The following TRDN variants were observed in gnomAD, a reference collection of about 807,000 sequenced individuals.
TRDN encodes the protein triadin in skeletal muscle.
A neutral mutation model predicts 149.7 loss-of-function variants in TRDN; 161 were observed. The ratio of observed to expected loss-of-function variants is 1.08; its 90% CI spans 0.95 to 1.23. The LOEUF (loss-of-function observed/expected upper bound fraction) is 1.23. TRDN is among the 50% of genes most tolerant of loss of function. The pLI, the probability that TRDN is intolerant of heterozygous loss-of-function variation, is 0.00. For synonymous variants in TRDN, 294 were observed against 250.5 expected (o/e 1.17, Z -1.64); for missense variants, 896 against 823.5 (o/e 1.09, Z -1.08).
intron 1 of TRDN, among the ~76,000 whole-genome samples, chr6:123,636,551 G>C (rs1036217012): frequency 6.6e-6 from 1 of 151,924 alleles, no homozygotes; most frequent in Admixed American, 6.6e-5. Flanking sequence ...CAAAATTTAA[G>C]AGAAATCTCT....
intron 21 of TRDN, among the ~76,000 whole-genome samples, chr6:123,339,833 T>C (rs1391253960): frequency 1.3e-5 from 2 of 152,204 alleles, no homozygotes; most frequent in East Asian, 3.8e-4. Context: ...ATAATTTGTC[T>C]GTATTGACAT....
intron 12 of TRDN, among the ~76,000 whole-genome samples, chr6:123,418,804 G>A (rs952470857): frequency 3.3e-5 from 5 of 152,036 alleles, no homozygotes; most frequent in African/African-American, 9.7e-5. Context: ...CCAAGCTCCC[G>A]ACTCCCAGCA....
chr6:123,588,515 G>A (rs1047220190), intron 1 of TRDN, among the ~76,000 whole-genome samples: 2 of 151,980 alleles, frequency 1.3e-5, no homozygotes, highest in African/African-American at 4.8e-5. Context: ...AGTAAGTTGG[G>A]GATTTAGAGT....
At chr6:123,373,356 C>T (rs935233473) in intron 19 of TRDN, among the ~76,000 whole-genome samples, 1 of 152,144 alleles carries the variant, frequency 6.6e-6, no homozygotes, top group Admixed American at 6.5e-5. Flanking sequence ...CCTTGCCTTA[C>T]ACTATTATTG....
At chr6:123,230,498 G>A (rs772148672) in intron 38 of TRDN, among the ~76,000 whole-genome samples, 1 of 150,574 alleles carries the variant, frequency 6.6e-6, no homozygotes, top group Admixed American at 6.7e-5. Context: ...TAACAAACCT[G>A]CACATTGTGC....
intron 38 of TRDN, among the ~76,000 whole-genome samples, chr6:123,225,429 T>A (rs947857186): frequency 6.6e-6 from 1 of 151,756 alleles, no homozygotes; most frequent in Non-Finnish European, 1.5e-5. Flanking sequence ...ATTTCACTTC[T>A]GGGTATATAT....
At chr6:123,550,872 A>C (rs956176323) in intron 2 of TRDN, among the ~76,000 whole-genome samples, 2 of 151,938 alleles carry the variant, frequency 1.3e-5, no homozygotes, top group Non-Finnish European at 1.5e-5. Flanking sequence ...AGAGAGTTTC[A>C]TGTGAGCAAG....
chr6:123,355,408 A>C (rs904365687), intron 20 of TRDN, among the ~76,000 whole-genome samples: 1 of 151,776 alleles, frequency 6.6e-6, no homozygotes, highest in South Asian at 2.1e-4. Flanking sequence ...ATAATTTTTA[A>C]TCATTTAAAT....
At chr6:123,474,276 A>G (rs1172589742) in intron 9 of TRDN, among the ~76,000 whole-genome samples, 3 of 152,298 alleles carry the variant, frequency 2.0e-5, no homozygotes, top group African/African-American at 7.2e-5. Flanking sequence ...AAACAAAAAA[A>G]GGCAGGGATT....
chr6:123,457,829 A>T (rs1034559683), intron 10 of TRDN, among the ~76,000 whole-genome samples: 2 of 152,228 alleles, frequency 1.3e-5, no homozygotes, highest in African/African-American at 4.8e-5. Context: ...CAAATAGTCA[A>T]CATCATATGA....
intron 7 of TRDN, among the ~76,000 whole-genome samples, chr6:123,504,401 T>C (rs2114835011): frequency 6.6e-6 from 1 of 152,158 alleles, no homozygotes; most frequent in African/African-American, 2.4e-5. Context: ...AGACAACAAT[T>C]AGTAATGCAA....
chr6:123,300,197 T>C (rs1333726572), intron 24 of TRDN, among the ~76,000 whole-genome samples: 1 of 151,916 alleles, frequency 6.6e-6, no homozygotes, highest in Admixed American at 6.6e-5. Context: ...GGGTTGAAAT[T>C]GGGAAGGAAG....
chr6:123,227,940 CAAATCTCCTATATCA>C (rs1775448672), intron 38 of TRDN, among the ~76,000 whole-genome samples: 4 of 151,640 alleles, frequency 2.6e-5, no homozygotes, highest in Non-Finnish European at 5.9e-5. Context: ...GAACATAATC[CAAATCTCCTATATCA>C]GGGCCTCTTG....
chr6:123,423,251 GA>G (rs1773984709), intron 12 of TRDN, among the ~76,000 whole-genome samples: 1 of 152,030 alleles, frequency 6.6e-6, no homozygotes, highest in Non-Finnish European at 1.5e-5. Context: ...TAAAACCAAT[GA>G]AAGTTACCCC....
intron 9 of TRDN, among the ~76,000 whole-genome samples, chr6:123,493,831 T>A (rs893105995): frequency 1.3e-5 from 2 of 152,188 alleles, no homozygotes; most frequent in Non-Finnish European, 2.9e-5. Context: ...TATGCCCAGA[T>A]TAAATCTGTG....
intron 12 of TRDN, among the ~76,000 whole-genome samples, chr6:123,430,587 AT>A (rs1483707973): frequency 3.3e-5 from 5 of 152,132 alleles, no homozygotes; most frequent in African/African-American, 7.2e-5. Context: ...TCTCAAAAAA[AT>A]AAATATAATA....
chr6:123,361,871 C>T (rs1426890565), intron 20 of TRDN, among the ~76,000 whole-genome samples: 1 of 152,038 alleles, frequency 6.6e-6, no homozygotes, highest in African/African-American at 2.4e-5. Context: ...TCATCATGAC[C>T]AGACAAGCTC....
intron 22 of TRDN, among the ~76,000 whole-genome samples, chr6:123,332,579 T>C (rs181526860): frequency 8.1e-4 from 123 of 152,226 alleles, no homozygotes; most frequent in Non-Finnish European, 1.4e-3. Context: ...GACACATATA[T>C]GGTCAATGTC....
At chr6:123,403,896 G>C (rs762161286) in intron 12 of TRDN, among the ~76,000 whole-genome samples, 1 of 152,110 alleles carries the variant, frequency 6.6e-6, no homozygotes, top group Non-Finnish European at 1.5e-5. Flanking sequence ...AAAGATAGCA[G>C]TTGAAGGGAG....
Sources: gnomAD v4.1 joint callset for allele counts (sites outside exome capture counted in the v4.1 genomes callset) on GRCh38, gnomAD v4.1.1 for gene constraint, MANE v1.5 for transcripts, NCBI Gene and HGNC (gene_info 2026-07-23, HGNC 2026-07-21) for gene names.